The following C16orf96 variants were observed in gnomAD, a reference collection of about 807,000 sequenced individuals.
C16orf96 encodes the protein chromosome 16 open reading frame 96.
A neutral mutation model predicts 103.6 loss-of-function variants in C16orf96; 108 were observed. The ratio of observed to expected loss-of-function variants is 1.04; its 90% CI spans 0.89 to 1.22. The LOEUF (loss-of-function observed/expected upper bound fraction) is 1.22. Among genes scored for constraint, C16orf96 ranks in the 50% most tolerant of loss-of-function variants. The probability of loss-of-function intolerance (pLI) is 0.00; values close to 1 mark genes in which losing one functional copy is unlikely to be tolerated. For synonymous variants in C16orf96, 566 were observed against 593.5 expected (o/e 0.95, Z 0.67); for missense variants, 1,586 against 1,464.2 (o/e 1.08, Z -1.36).
intron 10 of C16orf96, 127 bp from the exon 11 acceptor site, chr16:4,592,178 C>A: frequency 9.0e-7 from 1 of 1,115,926 alleles, no homozygotes; most frequent in Non-Finnish European, 1.3e-6. Flanking sequence ...GACTGCAGGG[C>A]CTGTGGGGCT....
At position 4,575,476 on chromosome 16, in the gene C16orf96, T is replaced by A. The variant is rs1454670345; in HGVS notation, c.996T>A (p.Thr332=). 4 of 1,548,002 alleles carry A rather than the reference T, an allele frequency of 2.6e-6. No homozygotes were observed. In the South Asian group the frequency reaches 4.8e-5, roughly 18 times the overall value. The change falls in exon 5 of 16, where the codon ACT becomes ACA. Residue 332 remains threonine, a synonymous_variant. Transcript: ENST00000444310. The part of the protein sequence containing the change: ...TEFAPGPAPG[T]EPVPGLELGL... ...TTGCACCTGGGCCTGCACCTGGGAC[T>A]GAACCTGTGCCAGGACTGGAGCTGG...
rs772208321 is a variant in C16orf96, at chr16:4,575,405, C to G, written c.925C>G (p.Pro309Ala). The part of the protein sequence containing the change: ...SLSRAQEPAQ[P>A]PALTPESAPG... ...CAGCAGAGCCCAGGAGCCAGCGCAG[C>G]CTCCGGCCCTCACGCCTGAGTCTGC... The change falls in exon 5 of 16, where the codon CCT becomes GCT. Residue 309 changes from proline to alanine, a missense_variant. By Grantham distance (27) the Pro-to-Ala change is conservative. Transcript: ENST00000444310. 40 of 1,550,296 alleles carry G rather than the reference C, an allele frequency of 2.6e-5. No homozygotes were observed. The highest frequency in any genetic ancestry group is 3.4e-5 in the Non-Finnish European group (39 of 1,146,840).
chr16:4,575,805 A>T lies in C16orf96; in HGVS notation c.1325A>T (p.Gln442Leu). 1 of 1,551,176 alleles carries T rather than the reference A, an allele frequency of 6.4e-7. No individual in the cohort carries two copies. The highest frequency in any genetic ancestry group is 8.7e-7 in the Non-Finnish European group (1 of 1,146,974). Reference protein sequence around the residue: ...SLWPRPLQPYQSRQGEALQLA... With the variant: ...SLWPRPLQPYLSRQGEALQLA... ...TGGCCTCGACCACTCCAGCCATATC[A>T]GTCTCGCCAGGGAGAAGCCCTCCAG... is the stretch of plus-strand genomic sequence containing the variant. Residue 442 changes from glutamine (Q) to leucine (L), a missense_variant, in exon 5 of 16, where the codon CAG (glutamine) becomes CTG (leucine). Physicochemically the swap from Gln to Leu is moderately radical, Grantham distance 113. Transcript: ENST00000444310.
chr16:4,573,442 A>AT (rs1420379630), intron 2 of C16orf96, among the ~76,000 whole-genome samples: 2 of 142,432 alleles, frequency 1.4e-5, no homozygotes, highest in Admixed American at 7.0e-5. Context: ...CCGTCTCAAA[A>AT]AAAAAAAAAA....
intron 5 of C16orf96, among the ~76,000 whole-genome samples, chr16:4,577,122 C>T (rs1596526741): frequency 2.0e-5 from 3 of 152,098 alleles, no homozygotes; most frequent in Non-Finnish European, 1.5e-5. Context: ...ACCCAGGAGG[C>T]AGAGGTTGCG....
At chr16:4,564,668 G>T (rs1224024815) in intron 1 of C16orf96, among the ~76,000 whole-genome samples, 1 of 152,130 alleles carries the variant, frequency 6.6e-6, no homozygotes, top group Non-Finnish European at 1.5e-5. Context: ...AAAATTAGCT[G>T]GGCATGGTGG....
At chr16:4,541,408 G>A in the C16orf96 span, among the ~76,000 whole-genome samples, 3 of 152,154 alleles carry the variant, frequency 2.0e-5, no homozygotes, top group African/African-American at 7.2e-5. Context: ...TCTCCACTGA[G>A]GTCAAATAAG....
chr16:4,590,870 A>C (rs1297930870), intron 9 of C16orf96, among the ~76,000 whole-genome samples: 1 of 151,818 alleles, frequency 6.6e-6, no homozygotes, highest in Non-Finnish European at 1.5e-5. Context: ...AGTAAAAAAA[A>C]AAAAAAAAAA....
chr16:4,587,701 G>A (rs1178214551), intron 8 of C16orf96, among the ~76,000 whole-genome samples: 4 of 152,024 alleles, frequency 2.6e-5, no homozygotes, highest in South Asian at 2.1e-4. Flanking sequence ...TTGGGAGGCC[G>A]AGAAGATAGG....
chr16:4,541,328 T>C, the C16orf96 span, among the ~76,000 whole-genome samples: 1 of 152,256 alleles, frequency 6.6e-6, no homozygotes, highest in African/African-American at 2.4e-5. Flanking sequence ...CACTAACATT[T>C]ATTTCTAATC....
chr16:4,562,708 A>G (rs1329322546), intron 1 of C16orf96: 3 of 487,306 alleles, frequency 6.2e-6, no homozygotes, highest in East Asian at 3.4e-5. Context: ...TCTGCAATCC[A>G]AACATATAAT....
chr16:4,546,304 G>A, the C16orf96 span, among the ~76,000 whole-genome samples: 2 of 150,994 alleles, frequency 1.3e-5, no homozygotes, highest in African/African-American at 2.4e-5. Context: ...GACTACAGGC[G>A]CCCGCTACCG....
chr16:4,549,471 T>TAAAAAAAA, the C16orf96 span, among the ~76,000 whole-genome samples: 1 of 96,652 alleles, frequency 1.0e-5, no homozygotes. Flanking sequence ...AGACTCTGTC[T>TAAAAAAAA]AAAAAAAAAA....
At chr16:4,587,981 G>A (rs1022376722) in intron 8 of C16orf96, among the ~76,000 whole-genome samples, 186 bp from the exon 9 acceptor site, 6 of 152,104 alleles carry the variant, frequency 3.9e-5, no homozygotes, top group Admixed American at 1.3e-4. Flanking sequence ...CCCTGTTATA[G>A]GAAAACCTTG....
intron 13 of C16orf96, 38 bp downstream of exon 13, chr16:4,594,548 G>C: frequency 6.5e-7 from 1 of 1,545,244 alleles, no homozygotes. Context: ...GAGGGTGGAC[G>C]TCAGCGCACC....
At chr16:4,589,418 CAAAA>C (rs34683174) in intron 9 of C16orf96, among the ~76,000 whole-genome samples, 2 of 146,650 alleles carry the variant, frequency 1.4e-5, no homozygotes, top group East Asian at 2.0e-4. Context: ...GTCCCCCTAC[CAAAA>C]AAAAAAAAAA....
intron 14 of C16orf96, among the ~76,000 whole-genome samples, chr16:4,596,946 C>G (rs1411879320): frequency 6.6e-6 from 1 of 152,178 alleles, no homozygotes; most frequent in Non-Finnish European, 1.5e-5. Context: ...CTCTGTCCCC[C>G]ATAAGGACAT....
the C16orf96 span, among the ~76,000 whole-genome samples, chr16:4,539,460 G>A: frequency 6.6e-6 from 1 of 152,202 alleles, no homozygotes; most frequent in Non-Finnish European, 1.5e-5. Flanking sequence ...GACGCAGGTG[G>A]ATCACTTGAG....
chr16:4,563,990 GA>G (rs1293421169), intron 1 of C16orf96, among the ~76,000 whole-genome samples: 1 of 149,080 alleles, frequency 6.7e-6, no homozygotes, highest in African/African-American at 2.5e-5. Flanking sequence ...CTGAGCTCAG[GA>G]GTTCAAGACC....
Sources: allele counts gnomAD v4.1 joint callset (sites outside exome capture counted in the v4.1 genomes callset), GRCh38; gene constraint gnomAD v4.1.1; transcripts MANE v1.5; gene names NCBI Gene and HGNC (gene_info 2026-07-23, HGNC 2026-07-21).